Variants in GMDS observed in about 807,000 individuals in gnomAD.
GMDS encodes the protein GDP-mannose 4,6-dehydratase.
In GMDS, 20 loss-of-function variants were observed where a neutral mutation model predicts 49.9. That is an observed-to-expected ratio of 0.40 (90% confidence interval 0.28 to 0.58). The LOEUF (loss-of-function observed/expected upper bound fraction) is 0.58. GMDS is among the 20% of genes least tolerant of loss of function. GMDS has a pLI of 0.42. For missense variants in GMDS, 362 were observed against 481.4 expected (o/e 0.75, Z 2.32); for synonymous variants, 177 against 178.6 (o/e 0.99, Z 0.07).
chr6:2,064,830 T>G (rs1220773863), intron 4 of GMDS, among the ~76,000 whole-genome samples: 1 of 152,136 alleles, frequency 6.6e-6, no homozygotes, highest in Non-Finnish European at 1.5e-5. Context: ...AGAGTGCTTT[T>G]GGGGAGGGAG....
chr6:1,704,935 G>A (rs1195452559), intron 9 of GMDS, among the ~76,000 whole-genome samples: 3 of 152,186 alleles, frequency 2.0e-5, no homozygotes, highest in African/African-American at 7.2e-5. Context: ...CTGAGTCATT[G>A]AATGGTTGTG....
chr6:2,028,801 G>A (rs1768774283), intron 4 of GMDS, among the ~76,000 whole-genome samples: 1 of 152,144 alleles, frequency 6.6e-6, no homozygotes, highest in Admixed American at 6.6e-5. Flanking sequence ...ACCGTTTTAT[G>A]AAATGATTTA....
chr6:1,732,082 C>T (rs1374675166), intron 8 of GMDS, among the ~76,000 whole-genome samples: 1 of 152,188 alleles, frequency 6.6e-6, no homozygotes, highest in East Asian at 1.9e-4. Context: ...AATCCCAGCA[C>T]TTTGGGAGGC....
chr6:1,870,088 A>G (rs1375343395), intron 7 of GMDS, among the ~76,000 whole-genome samples: 1 of 152,208 alleles, frequency 6.6e-6, no homozygotes, highest in Non-Finnish European at 1.5e-5. Flanking sequence ...ATGCCAGGAC[A>G]AGAGCCACAC....
intron 7 of GMDS, among the ~76,000 whole-genome samples, chr6:1,759,225 G>A (rs1398690886): frequency 6.6e-6 from 1 of 152,172 alleles, no homozygotes; most frequent in Non-Finnish European, 1.5e-5. Flanking sequence ...CTGATAGGGT[G>A]GAGTGAATTA....
chr6:1,759,134 G>A (rs1024264546), intron 7 of GMDS, among the ~76,000 whole-genome samples: 9 of 152,270 alleles, frequency 5.9e-5, no homozygotes, highest in Non-Finnish European at 7.4e-5. Context: ...TATCTTGAGG[G>A]AGTTACTGGT....
intron 7 of GMDS, among the ~76,000 whole-genome samples, chr6:1,824,549 G>A (rs1276065813): frequency 6.6e-6 from 1 of 152,106 alleles, no homozygotes; most frequent in Non-Finnish European, 1.5e-5. Context: ...ATGCCTGGTG[G>A]TCTGTCTTCT....
At chr6:2,122,827 C>CT (rs1775214448) in intron 2 of GMDS, among the ~76,000 whole-genome samples, 1 of 152,194 alleles carries the variant, frequency 6.6e-6, no homozygotes, top group South Asian at 2.1e-4. Flanking sequence ...ATAGTGTCAA[C>CT]CATGTTTCCT....
intron 4 of GMDS, among the ~76,000 whole-genome samples, chr6:1,990,740 A>AT (rs1300689432): frequency 3.6e-5 from 1 of 27,978 alleles, no homozygotes; most frequent in East Asian, 3.1e-3. Flanking sequence ...ACACCCAGCT[A>AT]ATTTTTTTTT....
intron 7 of GMDS, among the ~76,000 whole-genome samples, chr6:1,752,887 C>G (rs1454429294): frequency 6.6e-6 from 1 of 152,130 alleles, no homozygotes; most frequent in Non-Finnish European, 1.5e-5. Flanking sequence ...TGAAAGAACA[C>G]TAAATATGGA....
At chr6:2,162,711 A>AC (rs1253267922) in intron 1 of GMDS, among the ~76,000 whole-genome samples, 2 of 122,310 alleles carry the variant, frequency 1.6e-5, no homozygotes, top group African/African-American at 3.0e-5. Context: ...CACACACACA[A>AC]AACTTTCCTG....
chr6:2,138,269 G>A (rs918557642), intron 1 of GMDS, among the ~76,000 whole-genome samples: 15 of 152,166 alleles, frequency 9.9e-5, no homozygotes, highest in African/African-American at 3.6e-4. Flanking sequence ...ATTTCAAATG[G>A]GTCATGTAGT....
chr6:2,098,251 T>C (rs1773722727), intron 4 of GMDS, among the ~76,000 whole-genome samples: 1 of 152,140 alleles, frequency 6.6e-6, no homozygotes, highest in Non-Finnish European at 1.5e-5. Flanking sequence ...AGAGATGGTG[T>C]TTCGCCATGT....
intron 1 of GMDS, among the ~76,000 whole-genome samples, chr6:2,186,380 G>C (rs1778780620): frequency 6.6e-6 from 1 of 152,138 alleles, no homozygotes; most frequent in South Asian, 2.1e-4. Context: ...TCTGGCATAA[G>C]TCTACCTACT....
intron 1 of GMDS, among the ~76,000 whole-genome samples, chr6:2,132,752 C>G (rs970389582): frequency 1.3e-5 from 2 of 152,170 alleles, no homozygotes; most frequent in African/African-American, 4.8e-5. Flanking sequence ...AGAAGAATAT[C>G]CCTATCAGAT....
chr6:2,046,693 C>T (rs1159875724), intron 4 of GMDS, among the ~76,000 whole-genome samples: 1 of 152,150 alleles, frequency 6.6e-6, no homozygotes, highest in Non-Finnish European at 1.5e-5. Flanking sequence ...AACTGCTGAG[C>T]TCATGCAATC....
At chr6:2,028,794 G>GT (rs1045924142) in intron 4 of GMDS, among the ~76,000 whole-genome samples, 1 of 152,096 alleles carries the variant, frequency 6.6e-6, no homozygotes, top group African/African-American at 2.4e-5. Flanking sequence ...TCCACTCACC[G>GT]TTTTATGAAA....
intron 7 of GMDS, among the ~76,000 whole-genome samples, chr6:1,905,407 C>A (rs1299575940): frequency 6.2e-5 from 9 of 144,562 alleles, no homozygotes; most frequent in African/African-American, 2.4e-4. Flanking sequence ...GGTGGGACCT[C>A]AAAGGTGCCT....
chr6:1,628,443 T>C (rs1762907039), intron 9 of GMDS, among the ~76,000 whole-genome samples: 1 of 152,348 alleles, frequency 6.6e-6, no homozygotes, highest in African/African-American at 2.4e-5. Context: ...CATATCACTT[T>C]CTCTAAAACC....
Sources: gnomAD v4.1 joint callset for allele counts (sites outside exome capture counted in the v4.1 genomes callset) on GRCh38, gnomAD v4.1.1 for gene constraint, MANE v1.5 for transcripts, NCBI Gene and HGNC (gene_info 2026-07-23, HGNC 2026-07-21) for gene names.